COL22A1: variants seen among roughly 807,000 people sequenced by gnomAD.
COL22A1 encodes the protein collagen alpha-1(XXII) chain.
In COL22A1, 221 loss-of-function variants were observed where a neutral mutation model predicts 248.9. The ratio of observed to expected loss-of-function variants is 0.89; its 90% CI spans 0.80 to 0.99. The LOEUF (loss-of-function observed/expected upper bound fraction) is 0.99. COL22A1 is among the 50% of genes least tolerant of loss of function. The pLI is 0.00. For synonymous variants in COL22A1, 891 were observed against 793.4 expected (o/e 1.12, Z -2.07); for missense variants, 2,240 against 2,179.0 (o/e 1.03, Z -0.56).
intron 55 of COL22A1, among the ~76,000 whole-genome samples, chr8:138,614,372 A>C (rs935644952): frequency 6.6e-6 from 1 of 152,228 alleles, no homozygotes; most frequent in African/African-American, 2.4e-5. Context: ...ACCACCTTGC[A>C]GAGTCTTCCA....
rs1350484481 is a variant in COL22A1, at chr8:138,652,735, G to T, written c.3334-2957C>A. Among the ~76,000 whole-genome samples, 147 of 54,248 alleles carry T rather than the reference G, an allele frequency of 2.7e-3. 1 individual carries two copies. The highest frequency in any genetic ancestry group is 7.3e-3 in the African/African-American group (124 of 16,880). The allele number at this position is 54,248 out of a possible 152,430, so 35.6% of individuals were successfully genotyped here. A position where few individuals can be genotyped will look rare whatever the true frequency, so the allele number is the denominator to read the frequency against. ...TAAAATATTTTCTTTTCCTTTTCTG[G>T]TTTTTTTTTTTTTTTTTTTTTTTTT... On this transcript the variant is annotated intron_variant, in intron 45 of 64. Coordinates refer to ENST00000303045, the MANE Select transcript of COL22A1 (RefSeq NM_152888.3).
chr8:138,891,209 GAAGA>G (rs941318315), intron 1 of COL22A1, among the ~76,000 whole-genome samples: 2 of 152,166 alleles, frequency 1.3e-5, no homozygotes, highest in African/African-American at 4.8e-5. Flanking sequence ...ACCTAAATAA[GAAGA>G]AAGATATCTC....
intron 6 of COL22A1, among the ~76,000 whole-genome samples, chr8:138,823,788 C>T (rs1238770965): frequency 6.6e-6 from 1 of 152,170 alleles, no homozygotes; most frequent in Non-Finnish European, 1.5e-5. Context: ...TTGTCTTTCC[C>T]ATCCATGCTT....
chr8:138,647,858 T>C (rs368649140), intron 46 of COL22A1, among the ~76,000 whole-genome samples: 17 of 152,290 alleles, frequency 1.1e-4, no homozygotes, highest in African/African-American at 4.1e-4. Context: ...AAAAGACTGA[T>C]CTAAACATCT....
chr8:138,661,919 G>A (rs918262839), intron 43 of COL22A1, 111 bp downstream of exon 43: 28 of 667,068 alleles, frequency 4.2e-5, no homozygotes, highest in Admixed American at 2.0e-4. Flanking sequence ...ATCCTCAACC[G>A]GGCTACAAAG....
intron 12 of COL22A1, among the ~76,000 whole-genome samples, chr8:138,783,438 G>A (rs1304863633): frequency 6.6e-6 from 1 of 152,136 alleles, no homozygotes; most frequent in East Asian, 1.9e-4. Flanking sequence ...CCAGGGCAGG[G>A]AGCATCCAGC....
chr8:138,792,224 C>T (rs946991206), intron 12 of COL22A1, among the ~76,000 whole-genome samples: 1 of 152,222 alleles, frequency 6.6e-6, no homozygotes, highest in African/African-American at 2.4e-5. Context: ...CCAACACTGT[C>T]GCACCTCTAG....
chr8:138,777,622 G>A (rs970575305), intron 15 of COL22A1, among the ~76,000 whole-genome samples: 24 of 152,194 alleles, frequency 1.6e-4, no homozygotes, highest in African/African-American at 5.8e-4. Context: ...TACAGTGTTT[G>A]GTTTTCTGTT....
chr8:138,895,060 TA>T (rs35588853), intron 1 of COL22A1, among the ~76,000 whole-genome samples: 178 of 139,576 alleles, frequency 1.3e-3, no homozygotes, highest in Middle Eastern at 3.6e-3. Context: ...ACCTTTCTCT[TA>T]AAAAAAAAAA....
intron 41 of COL22A1, among the ~76,000 whole-genome samples, chr8:138,671,831 C>G (rs897868612): frequency 6.6e-6 from 1 of 152,168 alleles, no homozygotes; most frequent in African/African-American, 2.4e-5. Flanking sequence ...AAATACTGTA[C>G]AGTACTATAA....
At chr8:138,822,962 C>T (rs568973497) in intron 6 of COL22A1, among the ~76,000 whole-genome samples, 1 of 152,200 alleles carries the variant, frequency 6.6e-6, no homozygotes, top group Non-Finnish European at 1.5e-5. Context: ...GTTTCCTTAA[C>T]CCTTATCCCT....
intron 16 of COL22A1, among the ~76,000 whole-genome samples, chr8:138,772,552 C>T (rs369128844): frequency 1.9e-4 from 29 of 152,240 alleles, no homozygotes; most frequent in Admixed American, 8.5e-4. Flanking sequence ...TGGGTGGGCA[C>T]GTGACTGAGG....
intron 7 of COL22A1, among the ~76,000 whole-genome samples, chr8:138,820,408 T>C (rs1225311576): frequency 2.6e-5 from 4 of 151,904 alleles, no homozygotes; most frequent in Non-Finnish European, 5.9e-5. Context: ...ATACTTACGG[T>C]GTATGCATCT....
chr8:138,604,848 T>C (rs760045440), intron 58 of COL22A1, 79 bp from the exon 59 acceptor site: 36 of 1,189,350 alleles, frequency 3.0e-5, no homozygotes, highest in Non-Finnish European at 4.3e-5. Context: ...AAAACTGACA[T>C]TTCCACTCAA....
chr8:138,803,244 G>A (rs913819933), intron 10 of COL22A1, among the ~76,000 whole-genome samples: 1 of 152,212 alleles, frequency 6.6e-6, no homozygotes, highest in Non-Finnish European at 1.5e-5. Context: ...GGAAGTGGAA[G>A]TTCCAGGTTT....
chr8:138,617,215 G>A (rs1819410293), intron 53 of COL22A1, among the ~76,000 whole-genome samples: 1 of 152,132 alleles, frequency 6.6e-6, no homozygotes, highest in Non-Finnish European at 1.5e-5. Context: ...CAGAGTGTTG[G>A]GGCATTGCCC....
intron 4 of COL22A1, among the ~76,000 whole-genome samples, chr8:138,834,347 G>GAA (rs71316365): frequency 9.3e-5 from 12 of 128,594 alleles, no homozygotes; most frequent in Non-Finnish European, 1.7e-4. Context: ...AAGAGAAAAA[G>GAA]AAAAAAAAAA....
intron 36 of COL22A1, among the ~76,000 whole-genome samples, chr8:138,690,000 C>T (rs908069851): frequency 2.0e-5 from 3 of 152,174 alleles, no homozygotes; most frequent in Non-Finnish European, 4.4e-5. Context: ...TAATATTCCT[C>T]CAGCAGGGTT....
chr8:138,604,717 G>A lies in COL22A1; in HGVS notation c.4140+17C>T. The A allele has an allele frequency of 6.2e-7, 1 of 1,611,500 alleles. No homozygotes were observed. The highest frequency in any genetic ancestry group is 1.3e-5 in the African/African-American group (1 of 75,004). ...GGTAAAGGGTTGCCAAGGGGTGAGT[G>A]GGCGTGTGATACTTGCCTCCTTGCC... On this transcript the variant is annotated intron_variant, in intron 59 of 64. Coordinates refer to ENST00000303045, the MANE Select transcript of COL22A1 (RefSeq NM_152888.3).
Sources: gnomAD v4.1 joint callset for allele counts (sites outside exome capture counted in the v4.1 genomes callset) on GRCh38, gnomAD v4.1.1 for gene constraint, MANE v1.5 for transcripts, NCBI Gene and HGNC (gene_info 2026-07-23, HGNC 2026-07-21) for gene names.